Variants in RIN2 observed in about 807,000 individuals in gnomAD.
RIN2 encodes Ras and Rab interactor 2.
In RIN2, 36 loss-of-function variants were observed where a neutral mutation model predicts 78.0. The observed-to-expected ratio is 0.46, with a 90% CI of 0.35 to 0.61. The LOEUF is 0.61. Ranked by LOEUF, RIN2 falls within the 20% of genes least tolerant of loss-of-function variation. RIN2 has a pLI of 0.00. For missense variants in RIN2, 1,087 were observed against 1,159.7 expected (o/e 0.94, Z 0.91); for synonymous variants, 466 against 466.8 (o/e 1.00, Z 0.02).
chr20:19,821,066 G>GC (rs994051460), intron 2 of RIN2, among the ~76,000 whole-genome samples: 2 of 152,120 alleles, frequency 1.3e-5, no homozygotes, highest in African/African-American at 4.8e-5. Context: ...ATCTAAACGA[G>GC]CTGTCTGGCT....
At chr20:19,789,408 G>T (rs918892539) in intron 1 of RIN2, among the ~76,000 whole-genome samples, 2 of 152,140 alleles carry the variant, frequency 1.3e-5, no homozygotes, top group Non-Finnish European at 2.9e-5. Flanking sequence ...GCACTTTACT[G>T]TATGTTAATT....
At chr20:19,830,747 T>C (rs1350604134) in intron 2 of RIN2, among the ~76,000 whole-genome samples, 1 of 152,218 alleles carries the variant, frequency 6.6e-6, no homozygotes, top group Non-Finnish European at 1.5e-5. Flanking sequence ...CTGGGAGTGC[T>C]GACCATGGGG....
At chr20:19,859,607 A>G (rs527718451) in intron 2 of RIN2, among the ~76,000 whole-genome samples, 2 of 152,244 alleles carry the variant, frequency 1.3e-5, no homozygotes, top group South Asian at 4.1e-4. Context: ...TGAAGATCCC[A>G]TCTATTCCAT....
intron 2 of RIN2, among the ~76,000 whole-genome samples, chr20:19,844,592 TG>T (rs2036679112): frequency 9.0e-5 from 7 of 77,712 alleles, no homozygotes; most frequent in African/African-American, 2.2e-4. Context: ...CTGCTGCTGC[TG>T]CTTCTTCCTC....
Position 19,990,115 on chromosome 20 carries a change from C to G in RIN2, c.1872C>G (p.Leu624=). The part of the protein sequence containing the change: ...FHMADGSWKQ[L]KENLQLVRQR... Reference sequence around the variant, plus strand: ...TGGCCGATGGCTCATGGAAGCAACTCAAGGAGAACCTGCAGCTTGTGCGGC... The same window carrying G: ...TGGCCGATGGCTCATGGAAGCAACTGAAGGAGAACCTGCAGCTTGTGCGGC... The change falls in exon 10 of 13, where the codon CTC becomes CTG. Residue 624 remains leucine (L), a synonymous_variant. Transcript: ENST00000255006. 6.2e-7 allele frequency: 1 copy of G among 1,601,498 alleles called. No homozygotes were observed. The highest frequency in any genetic ancestry group is 1.1e-5 in the South Asian group (1 of 88,764).
At chr20:19,783,450 C>A (rs530026549) in intron 1 of RIN2, among the ~76,000 whole-genome samples, 2 of 152,256 alleles carry the variant, frequency 1.3e-5, no homozygotes, top group Admixed American at 1.3e-4. Flanking sequence ...CCCTCTCATT[C>A]CTGCCCTGTT....
chr20:19,962,806 A>C lies in RIN2; in HGVS notation c.463+1995A>C, dbSNP rs138636197. On this transcript the variant is annotated intron_variant, in intron 6 of 12. Coordinates refer to ENST00000255006, the MANE Select transcript of RIN2 (RefSeq NM_018993.4). ...ACCCCGTCTCTACTGAAAACACAAA[A>C]ATTAGCCAGGTGTGGTGGCGCAAGC... 8.0e-3 allele frequency among the ~76,000 whole-genome samples: 1,211 copies of C among 152,202 alleles called. 15 individuals carry two copies. Among genetic ancestry groups the C allele is most frequent in the African/African-American group, 0.028 (1,165 of 41,514 alleles).
intron 8 of RIN2, among the ~76,000 whole-genome samples, chr20:19,972,459 G>A (rs546520847): frequency 2.6e-5 from 4 of 152,284 alleles, no homozygotes; most frequent in Admixed American, 2.0e-4. Context: ...AACCAGAAGC[G>A]ACTGAGGGCT....
chr20:19,952,177 T>A (rs1044826729), intron 4 of RIN2, among the ~76,000 whole-genome samples: 1 of 152,340 alleles, frequency 6.6e-6, no homozygotes, highest in East Asian at 1.9e-4. Flanking sequence ...AAGGCCACTC[T>A]TCTCCATCTC....
intron 9 of RIN2, among the ~76,000 whole-genome samples, chr20:19,982,029 G>A (rs1277816494): frequency 6.6e-6 from 1 of 152,170 alleles, no homozygotes; most frequent in Non-Finnish European, 1.5e-5. Flanking sequence ...AGTGTGTGCT[G>A]CATGAGGGCC....
At chr20:19,994,849 G>A (rs555839603) in intron 11 of RIN2, among the ~76,000 whole-genome samples, 254 of 152,254 alleles carry the variant, frequency 1.7e-3, no homozygotes, top group African/African-American at 6.0e-3. Context: ...CTCTTAACTA[G>A]GGTGATTATA....
At chr20:19,823,355 G>T in intron 2 of RIN2, 1 of 606,816 alleles carries the variant, frequency 1.6e-6, no homozygotes, top group Non-Finnish European at 2.9e-6. Context: ...CTCTGAGCAA[G>T]TGAGTGAATG....
chr20:19,925,926 T>C (rs778009667), intron 3 of RIN2, among the ~76,000 whole-genome samples: 7 of 152,186 alleles, frequency 4.6e-5, no homozygotes, highest in Non-Finnish European at 1.0e-4. Flanking sequence ...CTGCCTGTGA[T>C]AGCAAAACTC....
chr20:19,892,307 C>T (rs972857248), intron 3 of RIN2, among the ~76,000 whole-genome samples: 2 of 152,138 alleles, frequency 1.3e-5, no homozygotes, highest in African/African-American at 4.8e-5. Flanking sequence ...ACCTCTGCCT[C>T]CCGGGTTCAA....
chr20:19,992,752 G>T (rs2042835147), intron 11 of RIN2, among the ~76,000 whole-genome samples: 1 of 152,070 alleles, frequency 6.6e-6, no homozygotes, highest in African/African-American at 2.4e-5. Flanking sequence ...TGGAAGAAAT[G>T]GTTTCTTTGG....
chr20:19,824,311 C>A lies in RIN2; in HGVS notation c.-37+24564C>A, dbSNP rs190828491. On this transcript the variant is annotated intron_variant, in intron 2 of 12. Coordinates refer to ENST00000255006, the MANE Select transcript of RIN2 (RefSeq NM_018993.4). The stretch of plus-strand genomic sequence containing the variant: ...TTTTAGATGGAACATCTTTTTTGGG[C>A]TTAGGGGTTTATTTTAAGATTATTC... 4.5e-4 allele frequency among the ~76,000 whole-genome samples: 69 copies of A among 152,230 alleles called. 2 individuals are homozygous for A. The highest frequency in any genetic ancestry group is 3.4e-3 in the Middle Eastern group (1 of 294).
chr20:19,941,795 T>A (rs1017371004), intron 4 of RIN2, among the ~76,000 whole-genome samples: 16 of 152,104 alleles, frequency 1.1e-4, no homozygotes, highest in African/African-American at 2.7e-4. Flanking sequence ...CTATCACCAA[T>A]GTAGCAACAA....
At chr20:19,812,496 C>T (rs2035634874) in intron 2 of RIN2, among the ~76,000 whole-genome samples, 1 of 152,248 alleles carries the variant, frequency 6.6e-6, no homozygotes, top group African/African-American at 2.4e-5. Flanking sequence ...GCTCATTTGC[C>T]ATTTGCATAG....
intron 9 of RIN2, among the ~76,000 whole-genome samples, chr20:19,982,764 G>C (rs1354674881): frequency 6.6e-6 from 1 of 152,174 alleles, no homozygotes. Flanking sequence ...TCTGGCCCAG[G>C]GTGGGCTAGA....
Sources: allele counts gnomAD v4.1 joint callset (sites outside exome capture counted in the v4.1 genomes callset), GRCh38; gene constraint gnomAD v4.1.1; transcripts MANE v1.5; gene names NCBI Gene and HGNC (gene_info 2026-07-23, HGNC 2026-07-21).